Variants in ALG14 observed in about 807,000 individuals in gnomAD.
ALG14 encodes UDP-N-acetylglucosamine transferase subunit ALG14.
A neutral mutation model predicts 22.8 loss-of-function variants in ALG14; 17 were observed. That is an observed-to-expected ratio of 0.75 (90% CI 0.51 to 1.12). ALG14 has a LOEUF of 1.12. Ranked by LOEUF, ALG14 falls within the 50% of genes most tolerant of loss-of-function variation. The pLI is 0.00. For missense variants in ALG14, 288 were observed against 271.8 expected (o/e 1.06, Z -0.42); for synonymous variants, 89 against 103.7 (o/e 0.86, Z 0.86).
intron 3 of ALG14, among the ~76,000 whole-genome samples, chr1:95,009,203 T>A (rs923777213): frequency 5.3e-5 from 8 of 150,470 alleles, no homozygotes; most frequent in Non-Finnish European, 1.0e-4. Context: ...GTAATTTTTT[T>A]ATTTTTATAT....
At chr1:95,004,634 G>A (rs1439099372) in intron 3 of ALG14, among the ~76,000 whole-genome samples, 1 of 151,732 alleles carries the variant, frequency 6.6e-6, no homozygotes, top group Non-Finnish European at 1.5e-5. Context: ...CGAGTAGCTG[G>A]GACTACAAGC....
At chr1:95,066,009 C>G (rs1323439234) in intron 1 of ALG14, among the ~76,000 whole-genome samples, 1 of 152,146 alleles carries the variant, frequency 6.6e-6, no homozygotes, top group African/African-American at 2.4e-5. Flanking sequence ...TCTCGTTTCA[C>G]AAGCTCTCTG....
intron 3 of ALG14, among the ~76,000 whole-genome samples, chr1:94,985,599 T>C (rs1672622276): frequency 6.6e-6 from 1 of 152,224 alleles, no homozygotes; most frequent in South Asian, 2.1e-4. Context: ...GAATTTCACA[T>C]TTGTTCCTCT....
chr1:95,064,969 G>A lies in ALG14; in HGVS notation c.185C>T (p.Ala62Val), dbSNP rs1161474288. ...ILRLLGSLSNAYSPRHYVIAD... is the reference protein window; with the variant it reads ...ILRLLGSLSNVYSPRHYVIAD... ...AATGACATAATGTCTAGGTGAGTAG[G>A]CATTGGACAAGCTCCCAAGCAGCCT... The change falls in exon 2 of 4, where the codon GCC (alanine) becomes GTC (valine). Residue 62 changes from alanine to valine, a missense_variant. Physicochemically the swap from Ala to Val is moderately conservative, Grantham distance 64. Transcript: ENST00000370205. 5 of 1,613,320 alleles carry A rather than the reference G, an allele frequency of 3.1e-6. No homozygotes were observed. In the African/African-American group the frequency reaches 6.7e-5, roughly 22 times the overall value.
intron 1 of ALG14, among the ~76,000 whole-genome samples, chr1:95,070,078 A>G (rs1353082609): frequency 6.6e-6 from 1 of 152,074 alleles, no homozygotes; most frequent in Non-Finnish European, 1.5e-5. Flanking sequence ...TATCTGATCT[A>G]CCTTGTTTGA....
At chr1:95,011,510 C>A (rs565930344) in intron 3 of ALG14, among the ~76,000 whole-genome samples, 1 of 151,980 alleles carries the variant, frequency 6.6e-6, no homozygotes, top group East Asian at 1.9e-4. Flanking sequence ...ACTGCAAGCT[C>A]CACCTCCTGG....
intron 2 of ALG14, among the ~76,000 whole-genome samples, chr1:95,055,426 T>A (rs1674892252): frequency 6.7e-6 from 1 of 150,356 alleles, no homozygotes. Flanking sequence ...CTTCCAAGAG[T>A]AAAAAAACAA....
chr1:95,056,127 A>G (rs1372667066), intron 2 of ALG14, among the ~76,000 whole-genome samples: 1 of 152,274 alleles, frequency 6.6e-6, no homozygotes, highest in South Asian at 2.1e-4. Flanking sequence ...ATAGAGAGCT[A>G]GGCTGAACAG....
chr1:95,033,222 C>G (rs1674068355), intron 2 of ALG14, among the ~76,000 whole-genome samples: 1 of 151,986 alleles, frequency 6.6e-6, no homozygotes. Context: ...CCCTACCTCC[C>G]ACTCCCAGAA....
chr1:94,983,259 G>T lies in ALG14; in HGVS notation c.468C>A (p.Ala156=), dbSNP rs1481651632. The T allele has an allele frequency of 6.2e-7, 1 of 1,613,968 alleles. No individual in the cohort carries two copies. The highest frequency in any genetic ancestry group is 1.3e-5 in the African/African-American group (1 of 74,886). ...TTATTCCTAGTATCCCAAGGAGAAG[G>T]GCAGATACACAGATAGGAACACATG... The part of the protein sequence containing the change: ...PGTCVPICVS[A]LLLGILGIKK... Residue 156 remains alanine (A), a synonymous_variant, in exon 4 of 4, where the codon GCC becomes GCA. Coordinates refer to ENST00000370205, the MANE Select transcript of ALG14 (RefSeq NM_144988.4).
intron 2 of ALG14, among the ~76,000 whole-genome samples, chr1:95,057,459 G>A (rs1674973663): frequency 6.6e-6 from 1 of 151,620 alleles, no homozygotes; most frequent in South Asian, 2.1e-4. Context: ...TAAATAATCT[G>A]AAGGTTATTT....
intron 2 of ALG14, among the ~76,000 whole-genome samples, chr1:95,054,913 C>T (rs1674878249): frequency 1.3e-5 from 2 of 152,140 alleles, no homozygotes; most frequent in African/African-American, 4.8e-5. Flanking sequence ...AAATCCAAAA[C>T]AATATGTTTG....
At chr1:95,028,428 G>C (rs150371963) in intron 2 of ALG14, among the ~76,000 whole-genome samples, 1 of 152,106 alleles carries the variant, frequency 6.6e-6, no homozygotes, top group African/African-American at 2.4e-5. Context: ...TGAACTTCTG[G>C]GCTCAAGTGA....
At chr1:95,009,475 T>C (rs532623274) in intron 3 of ALG14, among the ~76,000 whole-genome samples, 9 of 152,236 alleles carry the variant, frequency 5.9e-5, no homozygotes, top group African/African-American at 2.2e-4. Flanking sequence ...AATAATTGTG[T>C]TGTGCTGAAA....
At chr1:95,019,767 T>C (rs1056033918) in intron 3 of ALG14, among the ~76,000 whole-genome samples, 2 of 151,956 alleles carry the variant, frequency 1.3e-5, no homozygotes, top group Non-Finnish European at 2.9e-5. Context: ...GATCACCTGA[T>C]GTCGGGAGTT....
intron 2 of ALG14, chr1:95,035,958 T>C (rs1485350564): frequency 6.6e-6 from 1 of 152,240 alleles, no homozygotes; most frequent in African/African-American, 2.4e-5. Flanking sequence ...CATAACTATT[T>C]AAAAATAATG....
intron 3 of ALG14, among the ~76,000 whole-genome samples, chr1:94,999,145 A>C (rs757547642): frequency 6.6e-6 from 1 of 152,116 alleles, no homozygotes; most frequent in Non-Finnish European, 1.5e-5. Flanking sequence ...AAAACTATGA[A>C]ACATCCTTAT....
chr1:95,050,744 T>C (rs972960450), intron 2 of ALG14, among the ~76,000 whole-genome samples: 1 of 152,118 alleles, frequency 6.6e-6, no homozygotes, highest in Admixed American at 6.5e-5. Flanking sequence ...AAAAAACAAA[T>C]TGATAGCTGA....
intron 3 of ALG14, among the ~76,000 whole-genome samples, chr1:95,015,216 T>C (rs1363655069): frequency 6.6e-6 from 1 of 151,950 alleles, no homozygotes; most frequent in African/African-American, 2.4e-5. Context: ...CCGAGAGAGA[T>C]GGAGATCTGC....
Sources: allele counts gnomAD v4.1 joint callset (sites outside exome capture counted in the v4.1 genomes callset), GRCh38; gene constraint gnomAD v4.1.1; transcripts MANE v1.5; gene names NCBI Gene and HGNC (gene_info 2026-07-23, HGNC 2026-07-21).